GALNT13: variants seen among roughly 807,000 people sequenced by gnomAD.
GALNT13 encodes polypeptide N-acetylgalactosaminyltransferase 13.
In GALNT13, 28 loss-of-function variants were observed where a neutral mutation model predicts 64.2. The observed-to-expected ratio is 0.44, with a 90% CI of 0.32 to 0.60. The LOEUF (loss-of-function observed/expected upper bound fraction) is 0.60, where lower values mean the gene tolerates loss of function less well. Ranked by LOEUF, GALNT13 falls within the 20% of genes least tolerant of loss-of-function variation. GALNT13 has a pLI of 0.05. For synonymous variants in GALNT13, 214 were observed against 224.6 expected, an observed-to-expected ratio of 0.95 and a Z score of 0.42; for missense variants, 577 against 669.8, an observed-to-expected ratio of 0.86 and a Z score of 1.53.
the GALNT13 span, among the ~76,000 whole-genome samples, chr2:153,387,259 A>G: frequency 6.6e-6 from 1 of 152,168 alleles, no homozygotes; most frequent in Admixed American, 6.6e-5. Flanking sequence ...ATAATATACA[A>G]TGTTATGCTT....
At chr2:153,385,771 T>A in the GALNT13 span, among the ~76,000 whole-genome samples, 1 of 152,032 alleles carries the variant, frequency 6.6e-6, no homozygotes, top group Non-Finnish European at 1.5e-5. Flanking sequence ...CCATTCTCCA[T>A]GATGCGATTA....
chr2:154,175,573 A>T (rs1685599788), intron 4 of GALNT13, among the ~76,000 whole-genome samples: 1 of 152,120 alleles, frequency 6.6e-6, no homozygotes, highest in Non-Finnish European at 1.5e-5. Flanking sequence ...CTGTTTGGGG[A>T]TTCTTAACCT....
chr2:153,641,953 A>G, the GALNT13 span, among the ~76,000 whole-genome samples: 1,048 of 152,162 alleles, frequency 6.9e-3, 14 homozygotes, highest in African/African-American at 0.024. Context: ...ATTCTATTTA[A>G]TAACATTTTT....
At chr2:154,367,908 A>C (rs903806377) in intron 9 of GALNT13, among the ~76,000 whole-genome samples, 1 of 152,070 alleles carries the variant, frequency 6.6e-6, no homozygotes, top group Non-Finnish European at 1.5e-5. Context: ...ACTGTGAGTA[A>C]AAAGTTCAAG....
chr2:153,243,683 T>C, the GALNT13 span, among the ~76,000 whole-genome samples: 1 of 152,180 alleles, frequency 6.6e-6, no homozygotes, highest in Non-Finnish European at 1.5e-5. Context: ...AAAATAAAGT[T>C]GAAGGTTTAG....
chr2:153,931,142 A>T, intron 2 of GALNT13, among the ~76,000 whole-genome samples: 1 of 146,824 alleles, frequency 6.8e-6, no homozygotes, highest in Non-Finnish European at 1.5e-5. Context: ...TTTAGATCTC[A>T]GCTCTGACAT....
chr2:153,629,178 G>C, the GALNT13 span, among the ~76,000 whole-genome samples: 2 of 149,036 alleles, frequency 1.3e-5, no homozygotes, highest in East Asian at 4.0e-4. Flanking sequence ...TATTTCTGTG[G>C]GATTGGTGGT....
chr2:153,578,816 C>T, the GALNT13 span, among the ~76,000 whole-genome samples: 1 of 152,112 alleles, frequency 6.6e-6, no homozygotes, highest in African/African-American at 2.4e-5. Context: ...TAAGATTAAT[C>T]AAGTGTGCAA....
At chr2:154,050,956 C>G (rs2105346274) in intron 3 of GALNT13, among the ~76,000 whole-genome samples, 1 of 152,288 alleles carries the variant, frequency 6.6e-6, no homozygotes, top group South Asian at 2.1e-4. Flanking sequence ...ATAGCGCATA[C>G]ACAATACTTG....
At chr2:154,163,714 C>A (rs1180332757) in intron 4 of GALNT13, among the ~76,000 whole-genome samples, 3 of 151,968 alleles carry the variant, frequency 2.0e-5, no homozygotes, top group Non-Finnish European at 4.4e-5. Flanking sequence ...TAGATGAACA[C>A]CCTAAGAAAT....
chr2:154,372,198 A>C (rs1411950760), intron 9 of GALNT13, among the ~76,000 whole-genome samples: 1 of 152,152 alleles, frequency 6.6e-6, no homozygotes, highest in Non-Finnish European at 1.5e-5. Context: ...GAAGTGGTTT[A>C]ATTCAACCTC....
At chr2:154,251,957 C>T (rs1345553777) in intron 7 of GALNT13, among the ~76,000 whole-genome samples, 1 of 152,034 alleles carries the variant, frequency 6.6e-6, no homozygotes, top group African/African-American at 2.4e-5. Context: ...AAGATTTCAG[C>T]TATTCATGCT....
At chr2:154,346,245 G>C (rs534358963) in intron 9 of GALNT13, among the ~76,000 whole-genome samples, 2 of 152,124 alleles carry the variant, frequency 1.3e-5, no homozygotes, top group South Asian at 2.1e-4. Context: ...TTTTAAATAA[G>C]AGAAATAAAT....
chr2:154,084,950 G>T lies in GALNT13; in HGVS notation c.143-55387G>T, dbSNP rs1031452804. 2.0e-5 allele frequency among the ~76,000 whole-genome samples: 3 copies of T among 151,718 alleles called. No individual in the cohort carries two copies. The East Asian group carries it at 5.8e-4, about 29-fold the overall frequency. On this transcript the variant is annotated intron_variant, in intron 3 of 12. Transcript: ENST00000392825. ...TCTTCCTCAGTAAGGCAATTTAATT[G>T]CTTTCAAGTAATTTCAAGGTCATCC...
rs150112521 is a variant in GALNT13 at position 154,085,927 on chromosome 2, G to A, written c.143-54410G>A. Among the ~76,000 whole-genome samples, 1,068 of 151,576 alleles carry A rather than the reference G, an allele frequency of 7.0e-3. 6 individuals carry two copies. Among genetic ancestry groups the A allele is most frequent in the Middle Eastern group, 0.014 (4 of 292 alleles). ...GAAAAAATTAAAATAAAAAATAAAC[G>A]TAAAAAAATAAAGTATGTTGTAATT... On this transcript the variant is annotated intron_variant, in intron 3 of 12. Coordinates refer to ENST00000392825, the MANE Select transcript of GALNT13 (RefSeq NM_052917.4).
the GALNT13 span, among the ~76,000 whole-genome samples, chr2:153,643,250 C>G: frequency 6.6e-6 from 1 of 151,392 alleles, no homozygotes; most frequent in East Asian, 2.0e-4. Flanking sequence ...AAACAAATTT[C>G]TAGTAACTGT....
At chr2:153,320,099 G>A in the GALNT13 span, among the ~76,000 whole-genome samples, 1 of 152,156 alleles carries the variant, frequency 6.6e-6, no homozygotes, top group Non-Finnish European at 1.5e-5. Flanking sequence ...TTTCATGGCT[G>A]GGGCACATGG....
At chr2:153,265,209 T>C in the GALNT13 span, among the ~76,000 whole-genome samples, 9,730 of 152,212 alleles carry the variant, frequency 0.064, 367 homozygotes, top group Middle Eastern at 0.17. Flanking sequence ...ATTTCCCCCA[T>C]GTCCATGGGC....
chr2:153,440,427 T>G, the GALNT13 span, among the ~76,000 whole-genome samples: 1 of 152,198 alleles, frequency 6.6e-6, no homozygotes, highest in Non-Finnish European at 1.5e-5. Flanking sequence ...GCATGTGTCT[T>G]TATAGTTGAA....
Sources: allele counts gnomAD v4.1 joint callset (sites outside exome capture counted in the v4.1 genomes callset), GRCh38; gene constraint gnomAD v4.1.1; transcripts MANE v1.5; gene names NCBI Gene and HGNC (gene_info 2026-07-23, HGNC 2026-07-21).